Variants in ERG observed in about 807,000 individuals in gnomAD.
ERG encodes transcriptional regulator ERG.
Under a neutral mutation model 55.3 loss-of-function variants are expected in ERG, and 9 were observed. That is an observed-to-expected ratio of 0.16 (90% confidence interval 0.10 to 0.28). The LOEUF is 0.28. Among genes scored for constraint, ERG ranks in the 10% least tolerant of loss-of-function variants. The pLI, the probability that ERG is intolerant of heterozygous loss-of-function variation, is 1.00. For synonymous variants in ERG, 223 were observed against 237.3 expected (o/e 0.94, Z 0.55); for missense variants, 434 against 631.6 (o/e 0.69, Z 3.35).
chr21:38,590,206 G>C (rs1472252321), intron 1 of ERG, among the ~76,000 whole-genome samples: 1 of 152,138 alleles, frequency 6.6e-6, no homozygotes, highest in Non-Finnish European at 1.5e-5. Flanking sequence ...ATGATGAGAG[G>C]TTATACTTTA....
chr21:38,536,909 GA>G (rs1601205206), intron 2 of ERG, among the ~76,000 whole-genome samples: 2 of 152,164 alleles, frequency 1.3e-5, no homozygotes, highest in Non-Finnish European at 2.9e-5. Context: ...TGTGTGAGAG[GA>G]AAGTAAAATT....
chr21:38,425,529 T>C (rs1989778742), intron 2 of ERG, among the ~76,000 whole-genome samples: 1 of 152,146 alleles, frequency 6.6e-6, no homozygotes, highest in Admixed American at 6.5e-5. Context: ...AAACCCAGGG[T>C]CACTGTAGCT....
chr21:38,490,398 C>A (rs993669351), intron 1 of ERG, among the ~76,000 whole-genome samples: 4 of 152,182 alleles, frequency 2.6e-5, no homozygotes, highest in African/African-American at 7.2e-5. Flanking sequence ...TGGGCTCTTG[C>A]GACTTGGTGA....
chr21:38,378,852 A>G (rs1330268997), downstream of ERG, among the ~76,000 whole-genome samples: 1 of 152,246 alleles, frequency 6.6e-6, no homozygotes, highest in African/African-American at 2.4e-5. Flanking sequence ...GGAATTAACT[A>G]GCCCTGGAAC....
intron 3 of ERG, among the ~76,000 whole-genome samples, chr21:38,423,162 C>T (rs2146501389): frequency 6.6e-6 from 1 of 151,194 alleles, no homozygotes; most frequent in East Asian, 1.9e-4. Flanking sequence ...GCTGGGGCTA[C>T]ATACTGCTGT....
At chr21:38,540,772 C>T (rs1290281213) in intron 2 of ERG, among the ~76,000 whole-genome samples, 2 of 152,202 alleles carry the variant, frequency 1.3e-5, no homozygotes, top group African/African-American at 4.8e-5. Flanking sequence ...TTCCATCTGC[C>T]TCCATAAAGT....
chr21:38,540,240 A>C (rs2059742956), intron 2 of ERG, among the ~76,000 whole-genome samples: 2 of 152,234 alleles, frequency 1.3e-5, no homozygotes, highest in African/African-American at 2.4e-5. Flanking sequence ...ATTGAGGTGA[A>C]GTTCACATAA....
chr21:38,608,027 T>C (rs776541722), intron 1 of ERG, among the ~76,000 whole-genome samples: 6 of 152,134 alleles, frequency 3.9e-5, no homozygotes, highest in East Asian at 1.9e-4. Context: ...ATAAATTTGA[T>C]AAAGTCAGGA....
chr21:38,370,857 C>T, the ERG span, among the ~76,000 whole-genome samples: 4 of 151,600 alleles, frequency 2.6e-5, no homozygotes, highest in East Asian at 5.8e-4. Flanking sequence ...ACAAAAAACA[C>T]AACACATGTG....
At chr21:38,611,331 G>A (rs1052649061) in intron 1 of ERG, among the ~76,000 whole-genome samples, 1 of 152,076 alleles carries the variant, frequency 6.6e-6, no homozygotes. Context: ...CACTCCCGCT[G>A]CTCACAACCC....
chr21:38,533,846 G>A (rs996928495), intron 2 of ERG, among the ~76,000 whole-genome samples: 3 of 152,268 alleles, frequency 2.0e-5, no homozygotes, highest in South Asian at 2.1e-4. Flanking sequence ...CCTGGATGAT[G>A]TCACAGTTTT....
At chr21:38,376,687 C>T (rs934692978), downstream of ERG, among the ~76,000 whole-genome samples, 1 of 152,270 alleles carries the variant, frequency 6.6e-6, no homozygotes, top group African/African-American at 2.4e-5. Context: ...AGCATCAGAG[C>T]GGATGGAGAC....
chr21:38,606,275 G>A (rs1270270737), intron 1 of ERG, among the ~76,000 whole-genome samples: 1 of 152,176 alleles, frequency 6.6e-6, no homozygotes, highest in Non-Finnish European at 1.5e-5. Flanking sequence ...GTGACTGATA[G>A]ATGATTAGAT....
At chr21:38,389,309 A>G (rs1461044689) in intron 9 of ERG, among the ~76,000 whole-genome samples, 1 of 152,128 alleles carries the variant, frequency 6.6e-6, no homozygotes, top group African/African-American at 2.4e-5. Flanking sequence ...CCTTTTCTGT[A>G]GGATGGAGAT....
chr21:38,478,230 G>A (rs546419448), intron 1 of ERG, among the ~76,000 whole-genome samples: 3 of 152,320 alleles, frequency 2.0e-5, no homozygotes, highest in Admixed American at 6.5e-5. Context: ...AGATATCCTG[G>A]CAACAGGTCT....
chr21:38,547,908 A>C (rs190182001), intron 2 of ERG, among the ~76,000 whole-genome samples: 77 of 144,910 alleles, frequency 5.3e-4, no homozygotes, highest in African/African-American at 2.0e-3. Flanking sequence ...CAAGGCATAA[A>C]ATGCAAAAAA....
chr21:38,501,869 AATAAT>A (rs1261813410), upstream of ERG, among the ~76,000 whole-genome samples: 4 of 152,266 alleles, frequency 2.6e-5, no homozygotes, highest in African/African-American at 9.6e-5. Flanking sequence ...AAAGAAACAA[AATAAT>A]ATAACATAAA....
chr21:38,557,413 G>T (rs1273377996), intron 2 of ERG, among the ~76,000 whole-genome samples: 2 of 152,016 alleles, frequency 1.3e-5, no homozygotes, highest in Non-Finnish European at 2.9e-5. Flanking sequence ...TTGGCCCCTG[G>T]GCTTCACTCA....
At chr21:38,450,615 C>G (rs1331455603) in intron 1 of ERG, among the ~76,000 whole-genome samples, 3 of 152,188 alleles carry the variant, frequency 2.0e-5, no homozygotes, top group Admixed American at 6.5e-5. Context: ...ATATTGCCAT[C>G]TTTTAACCAC....
Sources: allele counts gnomAD v4.1 joint callset (sites outside exome capture counted in the v4.1 genomes callset), GRCh38; gene constraint gnomAD v4.1.1; transcripts MANE v1.5; gene names NCBI Gene and HGNC (gene_info 2026-07-23, HGNC 2026-07-21).